The following GRIP2 variants were observed in gnomAD, a reference collection of about 807,000 sequenced individuals.
GRIP2 encodes the protein glutamate receptor interacting protein 2.
A neutral mutation model predicts 108.3 loss-of-function variants in GRIP2; 58 were observed. The observed-to-expected ratio is 0.54, with a 90% confidence interval of 0.43 to 0.67. The LOEUF (loss-of-function observed/expected upper bound fraction) is 0.67. Among genes scored for constraint, GRIP2 ranks in the 30% least tolerant of loss-of-function variants. GRIP2 has a pLI of 0.00. For missense variants in GRIP2, 1,278 were observed against 1,430.6 expected, an observed-to-expected ratio of 0.89 and a Z score of 1.72; for synonymous variants, 586 against 598.2, an observed-to-expected ratio of 0.98 and a Z score of 0.30.
chr3:14,542,004 C>T, upstream of GRIP2: 1 of 1,353,228 alleles, frequency 7.4e-7, no homozygotes, highest in Middle Eastern at 2.1e-4. Context: ...TGCATGTGAA[C>T]TGCTCTAACA....
the GRIP2 span, among the ~76,000 whole-genome samples, chr3:14,591,615 A>C: frequency 6.6e-6 from 1 of 152,230 alleles, no homozygotes; most frequent in Non-Finnish European, 1.5e-5. Context: ...CTATTTCCTC[A>C]GAGTTCTATA....
chr3:14,504,874 C>G (rs1359422216), intron 20 of GRIP2, among the ~76,000 whole-genome samples: 1 of 152,038 alleles, frequency 6.6e-6, no homozygotes, highest in Non-Finnish European at 1.5e-5. Context: ...CTACTAGGGG[C>G]CACGCGTGGA....
the GRIP2 span, among the ~76,000 whole-genome samples, chr3:14,587,227 C>T: frequency 3.3e-5 from 5 of 152,116 alleles, no homozygotes; most frequent in Middle Eastern, 6.3e-3. Context: ...TTATTGATGT[C>T]GCTGTGTTTA....
Position 14,522,331 on chromosome 3 carries a change from C to A in GRIP2, c.567-544G>T, listed in dbSNP as rs1179684320. 1 of 153,018 alleles carries A rather than the reference C, an allele frequency of 6.5e-6. No homozygotes were observed. The highest frequency in any genetic ancestry group is 2.4e-5 in the African/African-American group (1 of 41,432). The allele number at this position is 153,018 out of a possible 1,614,324, so 9.5% of individuals were successfully genotyped here. A position where few individuals can be genotyped will look rare whatever the true frequency, so the allele number is the denominator to read the frequency against. On this transcript the variant is annotated intron_variant, in intron 6 of 23. Transcript: ENST00000621039. The surrounding 1 kb of genome is among the most constrained non-coding windows in gnomAD (Gnocchi z 4.3). ...AGGGGAGGGGCCCCAGCAGGGTTCACCTCGGTTTGGGTCGCATCCCCAGCC... is the reference window on the plus strand; with the variant it reads ...AGGGGAGGGGCCCCAGCAGGGTTCAACTCGGTTTGGGTCGCATCCCCAGCC...
intron 1 of GRIP2, among the ~76,000 whole-genome samples, chr3:14,549,974 A>G (rs1695118678): frequency 6.6e-6 from 1 of 152,156 alleles, no homozygotes; most frequent in Non-Finnish European, 1.5e-5. Flanking sequence ...GGGTGAGAAC[A>G]TGGGAAGGAC....
At chr3:14,506,676 C>G in intron 19 of GRIP2, 125 bp downstream of exon 19, 1 of 917,586 alleles carries the variant, frequency 1.1e-6, no homozygotes, top group Non-Finnish European at 1.6e-6. Flanking sequence ...AGGAAGGGCC[C>G]CTAAAGGATG....
chr3:14,523,575 T>C, intron 5 of GRIP2, 37 bp downstream of exon 5: 1 of 1,347,358 alleles, frequency 7.4e-7, no homozygotes, highest in East Asian at 2.3e-5. Context: ...AGCCTCTTTC[T>C]TGCTGCCCCA....
chr3:14,573,489 G>A, the GRIP2 span: 2 of 1,547,086 alleles, frequency 1.3e-6, no homozygotes, highest in African/African-American at 2.7e-5. Flanking sequence ...GTTGAGGAAA[G>A]GCAGGAGCCC....
chr3:14,519,116 T>C (rs1694337116), intron 9 of GRIP2, among the ~76,000 whole-genome samples: 1 of 152,176 alleles, frequency 6.6e-6, no homozygotes, highest in Non-Finnish European at 1.5e-5. Flanking sequence ...AGATGCTCGA[T>C]AAATGGTACG....
chr3:14,583,152 C>T, the GRIP2 span, among the ~76,000 whole-genome samples: 1 of 152,138 alleles, frequency 6.6e-6, no homozygotes, highest in African/African-American at 2.4e-5. Flanking sequence ...CTGGGGGTGG[C>T]AGTTCCATGA....
the GRIP2 span, chr3:14,573,878 G>A: frequency 7.8e-7 from 1 of 1,274,234 alleles, no homozygotes; most frequent in East Asian, 2.4e-5. Context: ...CCTCCTCCGA[G>A]GTCTGCAGGC....
chr3:14,511,199 C>A lies in GRIP2; in HGVS notation c.1899G>T (p.Val633=). ...CCTCGTCCTTCCGGATCTTCAGCTT[C>A]ACCAGGTCCTCGCACTGCCGCAGGA... The part of the protein sequence containing the change: ...VQILRQCEDL[V]KLKIRKDEDN... Residue 633 remains valine (V), a synonymous_variant, in exon 16 of 24, where the codon GTG becomes GTT. Transcript: ENST00000621039. This position sits in a 1 kb window ranked among gnomAD's most constrained non-coding sequence, Gnocchi z 4.1. 6.2e-7 allele frequency: 1 copy of A among 1,613,984 alleles called. No individual in the cohort carries two copies. Among genetic ancestry groups the A allele is most frequent in the Non-Finnish European group, 8.5e-7 (1 of 1,179,886 alleles).
At chr3:14,575,499 C>T in the GRIP2 span, among the ~76,000 whole-genome samples, 8 of 152,214 alleles carry the variant, frequency 5.3e-5, no homozygotes, top group African/African-American at 1.9e-4. Context: ...CCAGCAAGCC[C>T]CCAGCATAGC....
chr3:14,518,555 C>A (rs560899419), intron 9 of GRIP2, among the ~76,000 whole-genome samples: 3 of 152,154 alleles, frequency 2.0e-5, no homozygotes, highest in South Asian at 2.1e-4. Flanking sequence ...GCCCCGACCC[C>A]CTAGGAGACC....
chr3:14,543,137 G>A (rs1354719658), upstream of GRIP2, among the ~76,000 whole-genome samples: 2 of 152,210 alleles, frequency 1.3e-5, no homozygotes, highest in Non-Finnish European at 2.9e-5. Context: ...GACTAAGTGA[G>A]GAGACAAAGA....
chr3:14,528,244 C>A (rs1167239100), intron 1 of GRIP2, among the ~76,000 whole-genome samples: 2 of 152,206 alleles, frequency 1.3e-5, no homozygotes, highest in African/African-American at 4.8e-5. Context: ...CAGTAGTTTG[C>A]ATCTTTTTAT....
At chr3:14,501,435 CATA>C (rs1291380847) in intron 21 of GRIP2, among the ~76,000 whole-genome samples, 1 of 152,130 alleles carries the variant, frequency 6.6e-6, no homozygotes, top group Non-Finnish European at 1.5e-5. Flanking sequence ...ACTTAAGAGA[CATA>C]ATAACCAAGC....
At chr3:14,523,251 G>A in intron 5 of GRIP2, 176 bp from the exon 6 acceptor site, 2 of 604,736 alleles carry the variant, frequency 3.3e-6, no homozygotes, top group Non-Finnish European at 3.0e-6. Context: ...AAGAGATGGT[G>A]CAAGGGGTGG....
intron 11 of GRIP2, 99 bp downstream of exon 11, chr3:14,516,965 G>T: frequency 8.2e-7 from 1 of 1,219,354 alleles, no homozygotes; most frequent in Non-Finnish European, 1.1e-6. Flanking sequence ...CTGGAGCTCT[G>T]CCCAAAATAC....
Sources: allele counts gnomAD v4.1 joint callset (sites outside exome capture counted in the v4.1 genomes callset), GRCh38; gene constraint gnomAD v4.1.1; non-coding constraint Gnocchi (gnomAD v3.1); transcripts MANE v1.5; gene names NCBI Gene and HGNC (gene_info 2026-07-23, HGNC 2026-07-21).